Variants in TBCB observed in about 807,000 individuals in gnomAD.
TBCB encodes tubulin-folding cofactor B.
In TBCB, 18 loss-of-function variants were observed where a neutral mutation model predicts 29.2. That is an observed-to-expected ratio of 0.62 (90% CI 0.43 to 0.91). TBCB has a LOEUF of 0.91. Ranked by LOEUF, TBCB falls within the 40% of genes least tolerant of loss-of-function variation. The pLI, the probability that TBCB is intolerant of heterozygous loss-of-function variation, is 0.00. For synonymous variants in TBCB, 172 were observed against 137.8 expected, an observed-to-expected ratio of 1.25 and a Z score of -1.74; for missense variants, 336 against 337.6, an observed-to-expected ratio of 1.00 and a Z score of 0.04.
intron 3 of TBCB, 128 bp downstream of exon 3, chr19:36,120,934 G>A: frequency 1.2e-6 from 1 of 834,506 alleles, no homozygotes; most frequent in Non-Finnish European, 1.9e-6. Flanking sequence ...GAGAGCTTGG[G>A]AGGATATAGG....
At chr19:36,115,403 G>C, upstream of TBCB, 1 of 612,442 alleles carries the variant, frequency 1.6e-6, no homozygotes, top group Non-Finnish European at 2.9e-6. Flanking sequence ...GGAAGGGACG[G>C]CGGCGATTGG....
At chr19:36,120,983 G>A (rs146109844) in intron 3 of TBCB, among the ~76,000 whole-genome samples, 177 bp downstream of exon 3, 26 of 151,586 alleles carry the variant, frequency 1.7e-4, no homozygotes, top group Admixed American at 3.9e-4. Flanking sequence ...GGCCTGGGGT[G>A]GGAATGAGGG....
At chr19:36,121,174 T>A (rs1974042647) in intron 3 of TBCB, among the ~76,000 whole-genome samples, 1 of 130,072 alleles carries the variant, frequency 7.7e-6, no homozygotes, top group South Asian at 2.6e-4. Flanking sequence ...TGGCGGTCAG[T>A]GAGGGCGCCT....
At chr19:36,117,720 C>T (rs572071761) in intron 2 of TBCB, 4 of 152,160 alleles carry the variant, frequency 2.6e-5, no homozygotes, top group African/African-American at 9.6e-5. Flanking sequence ...TAATTATCCC[C>T]ATTTTGCAGA....
chr19:36,122,373 A>G (rs553863698), intron 4 of TBCB, among the ~76,000 whole-genome samples: 1 of 151,910 alleles, frequency 6.6e-6, no homozygotes, highest in East Asian at 1.9e-4. Context: ...TGAGCCCCGG[A>G]GTTGGAGGTT....
chr19:36,119,915 A>G (rs1974015507), intron 2 of TBCB, among the ~76,000 whole-genome samples: 1 of 151,074 alleles, frequency 6.6e-6, no homozygotes, highest in Non-Finnish European at 1.5e-5. Context: ...AAAAACCCAA[A>G]GTCTCCAGCA....
At position 36,125,743 on chromosome 19, in the gene TBCB, G is replaced by T; in HGVS notation, c.696G>T (p.Gly232=). ...AFVKPAVVTV[G]DFPEEDYGLD... ...TCAAGCCAGCAGTCGTGACGGTGGG[G>T]GACTTCCCGGAGGAGGACTACGGGT... The change falls in exon 6 of 6, where the codon GGG becomes GGT. Residue 232 remains glycine (G), a synonymous_variant. Transcript: ENST00000221855. 1 of 1,567,642 alleles carries T rather than the reference G, an allele frequency of 6.4e-7. No homozygotes were observed. Among genetic ancestry groups the T allele is most frequent in the Non-Finnish European group, 8.6e-7 (1 of 1,156,938 alleles).
In TBCB at chr19:36,125,514, A is replaced by T; in HGVS notation, c.611A>T (p.Asn204Ile). ...CGCTATGATGAGCCACTGGGGAAAAATGATGGCAGGTAACAAGAATTCCCA... is the reference window on the plus strand; with the variant it reads ...CGCTATGATGAGCCACTGGGGAAAATTGATGGCAGGTAACAAGAATTCCCA... ...GVRYDEPLGK[N>I]DGSVNGKRYF... is the part of the protein sequence containing the mutation. The change falls in exon 5 of 6, where the codon AAT becomes ATT. Residue 204 changes from asparagine to isoleucine, a missense_variant. Transcript: ENST00000221855. The T allele has an allele frequency of 1.9e-6, 3 of 1,614,210 alleles. No individual in the cohort carries two copies. The highest frequency in any genetic ancestry group is 2.5e-6 in the Non-Finnish European group (3 of 1,180,046).
chr19:36,125,413 G>A (rs754832985), intron 4 of TBCB, 38 bp from the exon 5 acceptor site: 1 of 1,605,598 alleles, frequency 6.2e-7, no homozygotes, highest in Non-Finnish European at 8.5e-7. Context: ...TTTCTTCTAT[G>A]TCCAGAAGCT....
Position 36,122,370 on chromosome 19 carries a change from C to G in TBCB, c.547+652C>G, listed in dbSNP as rs538717890. Among the ~76,000 whole-genome samples, 5 of 151,630 alleles carry G rather than the reference C, an allele frequency of 3.3e-5. No homozygotes were observed. In the East Asian group the frequency reaches 5.8e-4, roughly 18 times the overall value. ...CAAGGTGGGAGGCTTGCTTGAGCCC[C>G]GGAGTTGGAGGTTACAGTGAGCTAT... On this transcript the variant is annotated intron_variant, in intron 4 of 5. Coordinates refer to ENST00000221855, the MANE Select transcript of TBCB (RefSeq NM_001281.3).
chr19:36,118,316 A>C (rs1162358348), intron 2 of TBCB, among the ~76,000 whole-genome samples: 3 of 152,154 alleles, frequency 2.0e-5, no homozygotes, highest in Admixed American at 6.6e-5. Flanking sequence ...TGAAGCTGGG[A>C]GACCCTATCC....
At chr19:36,115,870 C>G in intron 1 of TBCB, 171 bp from the exon 2 acceptor site, 6 of 1,152,848 alleles carry the variant, frequency 5.2e-6, no homozygotes, top group Non-Finnish European at 7.3e-6. Flanking sequence ...CCGGGTCCAG[C>G]GAAAAATCCG....
chr19:36,125,728 A>G lies in TBCB; in HGVS notation c.681A>G (p.Ala227=), dbSNP rs1265597427. 3.2e-6 allele frequency: 5 copies of G among 1,577,628 alleles called. No homozygotes were observed. The highest frequency in any genetic ancestry group is 4.3e-6 in the Non-Finnish European group (5 of 1,161,546). ...QAKYGAFVKP[A]VVTVGDFPEE... ...AGTATGGCGCCTTTGTCAAGCCAGCAGTCGTGACGGTGGGGGACTTCCCGG... is the reference window on the plus strand; with the variant it reads ...AGTATGGCGCCTTTGTCAAGCCAGCGGTCGTGACGGTGGGGGACTTCCCGG... The change falls in exon 6 of 6, where the codon GCA becomes GCG. Residue 227 remains alanine, a synonymous_variant. Transcript: ENST00000221855.
Position 36,121,822 on chromosome 19 carries a change from C to CG in TBCB, c.547+108dup, listed in dbSNP as rs1568383619. 2.1e-6 allele frequency: 3 copies of CG among 1,434,154 alleles called. 1 individual carries two copies. The South Asian group carries it at 3.7e-5, about 18-fold the overall frequency. The allele number at this position is 1,434,154 out of a possible 1,614,324, so 88.8% of individuals were successfully genotyped here. Reference sequence around the variant, plus strand: ...GGAGACCACGCTCTGCCTAGGGGCGCGGGGTTGGGGGGGACTCGAAACGAT... The same window carrying CG: ...GGAGACCACGCTCTGCCTAGGGGCGCGGGGGTTGGGGGGGACTCGAAACGAT... On this transcript the variant is annotated intron_variant, in intron 4 of 5. Transcript: ENST00000221855.
rs572445789 is a variant in TBCB at position 36,121,595 on chromosome 19, G to C, written c.424G>C (p.Glu142Gln). 23 of 1,554,676 alleles carry C rather than the reference G, an allele frequency of 1.5e-5. No individual in the cohort carries two copies. In the African/African-American group the frequency reaches 2.7e-4, roughly 18 times the overall value. The change falls in exon 4 of 6, where the codon GAG becomes CAG. Residue 142 changes from glutamate to glutamine, a missense_variant. Coordinates refer to ENST00000221855, the MANE Select transcript of TBCB (RefSeq NM_001281.3). The stretch of plus-strand genomic sequence containing the variant: ...CAACGAGGAGGAGCGGGCTCAGCAG[G>C]AGGCCGAGGCCGCCCAGCGCCTGGC... ...RYNEEERAQQ[E>Q]AEAAQRLAEE...
rs949974790 is a variant in TBCB at position 36,116,064 on chromosome 19, C to T, written c.138C>T (p.Gly46=). ...EFKCKLELLV[G]SPASCMELEL... is the part of the protein sequence containing the mutation. ...AGTGTAAACTGGAGTTGCTGGTGGG[C>T]AGCCCTGCTTCCTGCATGGAACTGG... Residue 46 remains glycine, a synonymous_variant, in exon 2 of 6, where the codon GGC becomes GGT. Coordinates refer to ENST00000221855, the MANE Select transcript of TBCB (RefSeq NM_001281.3). 47 of 1,614,030 alleles carry T rather than the reference C, an allele frequency of 2.9e-5. No individual in the cohort carries two copies. The highest frequency in any genetic ancestry group is 1.6e-4 in the Middle Eastern group (1 of 6,082).
intron 2 of TBCB, 112 bp from the exon 3 acceptor site, chr19:36,120,598 G>A (rs1177469706): frequency 1.2e-6 from 1 of 839,804 alleles, no homozygotes; most frequent in Non-Finnish European, 2.0e-6. Context: ...TGCAGTACAG[G>A]CGAGGGAGGG....
upstream of TBCB, chr19:36,114,977 T>G (rs756764691): frequency 1.4e-4 from 141 of 1,010,844 alleles, no homozygotes; most frequent in Non-Finnish European, 1.9e-4. The surrounding 1 kb of genome is among the most constrained non-coding windows in gnomAD (Gnocchi z 4.5). Flanking sequence ...GCACACGTGC[T>G]GGCTCCCCGC....
At chr19:36,120,568 C>A (rs55911548) in intron 2 of TBCB, 142 bp from the exon 3 acceptor site, 1 of 660,960 alleles carries the variant, frequency 1.5e-6, no homozygotes, top group Non-Finnish European at 2.6e-6. Flanking sequence ...TTCCGCTGGG[C>A]TCAGGAGAGA....
Sources: gnomAD v4.1 joint callset for allele counts (sites outside exome capture counted in the v4.1 genomes callset) on GRCh38, gnomAD v4.1.1 for gene constraint, Gnocchi (gnomAD v3.1) non-coding constraint, MANE v1.5 for transcripts, NCBI Gene and HGNC (gene_info 2026-07-23, HGNC 2026-07-21) for gene names.